Variants in CCP110 observed in about 807,000 individuals in gnomAD.
CCP110 encodes the protein centriolar coiled-coil protein of 110 kDa.
Under a neutral mutation model 105.5 loss-of-function variants are expected in CCP110, and 43 were observed. The ratio of observed to expected loss-of-function variants is 0.41; its 90% CI spans 0.32 to 0.53. The LOEUF is 0.53. Among genes scored for constraint, CCP110 ranks in the 20% least tolerant of loss-of-function variants. The pLI is 0.32. For synonymous variants in CCP110, 353 were observed against 392.1 expected, an observed-to-expected ratio of 0.90 and a Z score of 1.18; for missense variants, 1,016 against 1,189.1, an observed-to-expected ratio of 0.85 and a Z score of 2.14.
chr16:19,546,071 A>G (rs763037230), intron 11 of CCP110, 181 bp downstream of exon 11: 3 of 554,936 alleles, frequency 5.4e-6, no homozygotes, highest in Non-Finnish European at 6.3e-6. Context: ...ATTTCATCTT[A>G]GATGAATTTA....
At chr16:19,552,024 A>G in exon 15 of CCP110, 1 of 152,206 alleles carries the variant, frequency 6.6e-6, no homozygotes, top group South Asian at 2.1e-4. Flanking sequence ...TTTCTGTAAC[A>G]TAATAATATG....
intron 4 of CCP110, among the ~76,000 whole-genome samples, chr16:19,540,063 G>A (rs145844629): frequency 0.02 from 2,994 of 152,072 alleles, 100 homozygotes; most frequent in African/African-American, 0.068. Context: ...GATTACAGAC[G>A]TGAGCCACCA....
Position 19,548,342 on chromosome 16 carries a change from T to A in CCP110, c.2901-173T>A. 1.7e-6 allele frequency: 1 copy of A among 586,362 alleles called. No homozygotes were observed. The highest frequency in any genetic ancestry group is 3.0e-6 in the Non-Finnish European group (1 of 334,294). The allele number at this position is 586,362 out of a possible 1,614,324, so 36.3% of individuals were successfully genotyped here. A position where few individuals can be genotyped will look rare whatever the true frequency, so the allele number is the denominator to read the frequency against. ...AACAGAGTATGACTCGTGCTTATAGTCTCCTGCTGAAGCCAGAGTTTAGCT... is the reference window on the plus strand; with the variant it reads ...AACAGAGTATGACTCGTGCTTATAGACTCCTGCTGAAGCCAGAGTTTAGCT... On this transcript the variant is annotated intron_variant, in intron 13 of 14. Coordinates refer to ENST00000381396, the Ensembl canonical transcript of CCP110. The surrounding 1 kb of genome is among the most constrained non-coding windows in gnomAD (Gnocchi z 4.1).
intron 4 of CCP110, 141 bp downstream of exon 4, chr16:19,537,728 C>T: frequency 1.7e-6 from 1 of 572,176 alleles, no homozygotes; most frequent in Non-Finnish European, 3.1e-6. Context: ...GCATATTAGT[C>T]AGCTACAGTT....
At chr16:19,537,713 A>G (rs912171832) in intron 4 of CCP110, 126 bp downstream of exon 4, 16 of 586,814 alleles carry the variant, frequency 2.7e-5, no homozygotes, top group African/African-American at 2.6e-4. Context: ...TTATCTTATT[A>G]GAAAGCATAT....
Position 19,527,858 on chromosome 16 carries a change from C to G in CCP110, c.-15-9C>G, listed in dbSNP as rs370845429. The G allele has an allele frequency of 1.2e-6, 2 of 1,600,990 alleles. No individual in the cohort carries two copies. Among genetic ancestry groups the G allele is most frequent in the Non-Finnish European group, 1.7e-6 (2 of 1,175,340 alleles). The stretch of plus-strand genomic sequence containing the variant: ...AGTACATTAAAAATAACATTTTTCT[C>G]TCTTGTAGTGTGACTGTGGGAAGAT... On this transcript the variant is annotated splice_polypyrimidine_tract_variant and intron_variant, in intron 1 of 14. Coordinates refer to ENST00000381396, the Ensembl canonical transcript of CCP110.
exon 4 of CCP110, chr16:19,536,528 T>G (rs1384852152): frequency 1.2e-6 from 2 of 1,614,128 alleles, no homozygotes; most frequent in Middle Eastern, 1.6e-4. Context: ...ACACTGTGTC[T>G]CAGTTATTCC....
intron 4 of CCP110, 63 bp from the exon 5 acceptor site, chr16:19,540,594 G>A: frequency 1.5e-6 from 2 of 1,316,842 alleles, no homozygotes; most frequent in South Asian, 1.3e-5. Flanking sequence ...TAAATTGATG[G>A]TATAAAATAT....
chr16:19,543,025 C>A, intron 8 of CCP110, 31 bp downstream of exon 8: 1 of 1,207,170 alleles, frequency 8.3e-7, no homozygotes, highest in Non-Finnish European at 1.2e-6. Context: ...TTGTATTTCA[C>A]TTCTGTCTTA....
At chr16:19,551,103 C>G (rs1324534927) in intron 14 of CCP110, 93 bp from the exon 14 acceptor site, 1 of 781,294 alleles carries the variant, frequency 1.3e-6, no homozygotes, top group Non-Finnish European at 2.3e-6. Flanking sequence ...TATTGCCTAG[C>G]TCAGTGTTTG....
At chr16:19,530,781 C>A (rs1296275360) in intron 2 of CCP110, among the ~76,000 whole-genome samples, 6 of 151,956 alleles carry the variant, frequency 3.9e-5, no homozygotes, top group Non-Finnish European at 8.8e-5. Context: ...TGGCGAAACC[C>A]CTTGTCTACT....
intron 1 of CCP110, 154 bp from the exon 2 acceptor site, chr16:19,527,713 C>T: frequency 4.5e-6 from 2 of 441,618 alleles, no homozygotes; most frequent in Non-Finnish European, 3.9e-6. Flanking sequence ...ATTACCATAC[C>T]CAAGAATTAG....
chr16:19,552,927 G>T (rs1208046343), exon 15 of CCP110: 1 of 152,124 alleles, frequency 6.6e-6, no homozygotes, highest in Non-Finnish European at 1.5e-5. Context: ...AAAAGTCCAA[G>T]TTACCAATTT....
Position 19,548,716 on chromosome 16 carries a change from C to A in CCP110, c.2986+116C>A, listed in dbSNP as rs1483176905. ...TCTTTCCTTGCCACCATAATTTTGG[C>A]ATATTCACAGTCATCTTATTAGTGT... On this transcript the variant is annotated intron_variant, in intron 14 of 14. Transcript: ENST00000381396. The surrounding 1 kb of genome is among the most constrained non-coding windows in gnomAD (Gnocchi z 4.1). 5 of 645,726 alleles carry A rather than the reference C, an allele frequency of 7.7e-6. No individual in the cohort carries two copies. The East Asian group carries it at 1.4e-4, about 18-fold the overall frequency. 40.0% of individuals were successfully genotyped at this position (645,726 alleles called of 1,614,324 possible). A position where few individuals can be genotyped will look rare whatever the true frequency, so the allele number is the denominator to read the frequency against.
chr16:19,530,048 A>T (rs8060280), intron 2 of CCP110, among the ~76,000 whole-genome samples: 55,247 of 151,300 alleles, frequency 0.37, 11,521 homozygotes, highest in East Asian at 0.56. Flanking sequence ...AATACAAAAA[A>T]GAGCTGGGTG....
intron 1 of CCP110, 122 bp from the exon 2 acceptor site, chr16:19,527,745 C>A: frequency 3.1e-6 from 2 of 637,200 alleles, no homozygotes; most frequent in Non-Finnish European, 4.9e-6. Flanking sequence ...TAAGACAATT[C>A]TGGGAGGACC....
At chr16:19,538,510 A>G (rs574341479) in intron 4 of CCP110, among the ~76,000 whole-genome samples, 7 of 151,140 alleles carry the variant, frequency 4.6e-5, no homozygotes, top group African/African-American at 1.7e-4. Flanking sequence ...TGGTTTTGCC[A>G]TGTTGGCCAG....
chr16:19,546,112 T>A, intron 11 of CCP110: 1 of 536,124 alleles, frequency 1.9e-6, no homozygotes, highest in South Asian at 2.8e-5. Flanking sequence ...TCAACTCATA[T>A]AACTGATAGC....
At chr16:19,543,109 T>C in intron 8 of CCP110, 115 bp downstream of exon 8, 1 of 639,788 alleles carries the variant, frequency 1.6e-6, no homozygotes, top group South Asian at 2.0e-5. Context: ...CACTGTAATC[T>C]AGGCAGTTTT....
Sources: gnomAD v4.1 joint callset for allele counts (sites outside exome capture counted in the v4.1 genomes callset) on GRCh38, gnomAD v4.1.1 for gene constraint, Gnocchi (gnomAD v3.1) non-coding constraint, MANE v1.5 for transcripts, NCBI Gene and HGNC (gene_info 2026-07-23, HGNC 2026-07-21) for gene names.